The following UBE2G1 variants were observed in gnomAD, a reference collection of about 807,000 sequenced individuals.
UBE2G1 encodes the protein ubiquitin conjugating enzyme E2 G1.
Under a neutral mutation model 22.7 loss-of-function variants are expected in UBE2G1, and 5 were observed. The ratio of observed to expected loss-of-function variants is 0.22; its 90% CI spans 0.12 to 0.46. The LOEUF (loss-of-function observed/expected upper bound fraction) is 0.46, where lower values mean the gene tolerates loss of function less well. UBE2G1 is among the 20% of genes least tolerant of loss of function. The pLI is 0.99. For synonymous variants in UBE2G1, 74 were observed against 67.5 expected (o/e 1.10, Z -0.47); for missense variants, 88 against 203.9 (o/e 0.43, Z 3.46).
At chr17:4,350,186 C>T (rs927715678) in intron 1 of UBE2G1, among the ~76,000 whole-genome samples, 1 of 152,158 alleles carries the variant, frequency 6.6e-6, no homozygotes, top group African/African-American at 2.4e-5. Flanking sequence ...GTTGGCCAGG[C>T]GTGGTAACTC....
At chr17:4,315,386 T>C (rs1193368284) in intron 1 of UBE2G1, among the ~76,000 whole-genome samples, 1 of 152,180 alleles carries the variant, frequency 6.6e-6, no homozygotes, top group African/African-American at 2.4e-5. Context: ...AAAATACAAA[T>C]TCTCAGAATA....
chr17:4,309,537 G>A (rs1969284190), intron 1 of UBE2G1, among the ~76,000 whole-genome samples: 1 of 152,140 alleles, frequency 6.6e-6, no homozygotes, highest in Admixed American at 6.5e-5. Flanking sequence ...TGTACTGAGC[G>A]CCAACTATGT....
chr17:4,315,797 CTCCTTT>C (rs1244294242), intron 1 of UBE2G1, among the ~76,000 whole-genome samples: 6 of 69,520 alleles, frequency 8.6e-5, no homozygotes, highest in Non-Finnish European at 1.9e-4. Context: ...AGAAAAGAGG[CTCCTTT>C]TTTTTTTTTT....
intron 4 of UBE2G1, among the ~76,000 whole-genome samples, chr17:4,285,886 G>A (rs1968957291): frequency 6.6e-6 from 1 of 151,868 alleles, no homozygotes; most frequent in Non-Finnish European, 1.5e-5. Flanking sequence ...GGGAGGTGGA[G>A]GTTGCAGTGA....
intron 1 of UBE2G1, among the ~76,000 whole-genome samples, chr17:4,335,586 T>C (rs992241115): frequency 5.9e-5 from 9 of 152,238 alleles, no homozygotes; most frequent in African/African-American, 1.4e-4. Flanking sequence ...TATAGCTTTA[T>C]AATACCCATA....
Position 4,336,538 on chromosome 17 carries a change from CT to C in UBE2G1, c.47-29416del, listed in dbSNP as rs1016458133. On this transcript the variant is annotated intron_variant, in intron 1 of 5. Transcript: ENST00000396981. Reference sequence around the variant, plus strand: ...TCATAATATATAGTTACAACAAAAACTTTTTTTTTTGAGACAGGGTCTTGCT... The same window carrying C: ...TCATAATATATAGTTACAACAAAAACTTTTTTTTTGAGACAGGGTCTTGCT... 2.1e-4 allele frequency among the ~76,000 whole-genome samples: 32 copies of C among 149,256 alleles called. No individual in the cohort carries two copies. In the East Asian group the frequency reaches 5.3e-3, roughly 25 times the overall value.
At chr17:4,344,675 C>G (rs568072990) in intron 1 of UBE2G1, among the ~76,000 whole-genome samples, 2 of 151,666 alleles carry the variant, frequency 1.3e-5, no homozygotes, top group African/African-American at 4.9e-5. Context: ...AATGAGAAAC[C>G]CCCATCTCTA....
chr17:4,326,073 C>A (rs1969501608), intron 1 of UBE2G1, among the ~76,000 whole-genome samples: 1 of 152,130 alleles, frequency 6.6e-6, no homozygotes, highest in African/African-American at 2.4e-5. Context: ...AACTCTTGGA[C>A]ATGACACCAA....
intron 1 of UBE2G1, among the ~76,000 whole-genome samples, chr17:4,363,060 G>A (rs183991313): frequency 6.6e-6 from 1 of 152,252 alleles, no homozygotes; most frequent in East Asian, 1.9e-4. Flanking sequence ...GGCAGAAGTT[G>A]TCGTCAGCCA....
chr17:4,339,851 A>G (rs1250449042), intron 1 of UBE2G1, among the ~76,000 whole-genome samples: 1 of 144,624 alleles, frequency 6.9e-6, no homozygotes, highest in African/African-American at 2.6e-5. Context: ...CTGCATCTCA[A>G]AAAAAAAAAA....
chr17:4,314,925 AAG>A (rs755240104), intron 1 of UBE2G1, among the ~76,000 whole-genome samples: 11 of 152,204 alleles, frequency 7.2e-5, no homozygotes, highest in Admixed American at 1.3e-4. Flanking sequence ...AGGAGCACAA[AAG>A]AGAGAAATGA....
chr17:4,325,842 A>G (rs1208374748), intron 1 of UBE2G1, among the ~76,000 whole-genome samples: 1 of 152,200 alleles, frequency 6.6e-6, no homozygotes, highest in Non-Finnish European at 1.5e-5. Context: ...GATTTTCAAC[A>G]AGGTTGACTA....
intron 1 of UBE2G1, among the ~76,000 whole-genome samples, chr17:4,343,661 T>C (rs1156882526): frequency 2.0e-5 from 3 of 150,518 alleles, no homozygotes; most frequent in Non-Finnish European, 4.4e-5. Flanking sequence ...CAATCTCGGC[T>C]CACTGCAAGC....
chr17:4,358,501 C>CA (rs1969932190), intron 1 of UBE2G1, among the ~76,000 whole-genome samples: 1 of 151,948 alleles, frequency 6.6e-6, no homozygotes, highest in Non-Finnish European at 1.5e-5. Flanking sequence ...ATTCTAGATA[C>CA]AATCAGTTGC....
intron 1 of UBE2G1, among the ~76,000 whole-genome samples, chr17:4,313,594 C>T (rs913242588): frequency 9.2e-5 from 14 of 152,060 alleles, no homozygotes; most frequent in African/African-American, 3.1e-4. Context: ...GCAAAACTAA[C>T]CAACAGTATT....
chr17:4,342,920 G>A (rs563108225), intron 1 of UBE2G1, among the ~76,000 whole-genome samples: 203 of 152,104 alleles, frequency 1.3e-3, no homozygotes, highest in African/African-American at 4.5e-3. Context: ...CCACTGCAGC[G>A]CCCCTGTACT....
At chr17:4,315,597 G>A (rs954422620) in intron 1 of UBE2G1, among the ~76,000 whole-genome samples, 2 of 151,256 alleles carry the variant, frequency 1.3e-5, no homozygotes, top group Admixed American at 6.6e-5. Context: ...AAAAATAGCC[G>A]GGCGTGGTGG....
At chr17:4,281,483 G>A (rs1158688189) in intron 5 of UBE2G1, among the ~76,000 whole-genome samples, 1 of 151,972 alleles carries the variant, frequency 6.6e-6, no homozygotes, top group Admixed American at 6.6e-5. Flanking sequence ...GTAGACTCAA[G>A]ATGTGCCATG....
In UBE2G1 at chr17:4,311,975, G is replaced by A. The variant is rs1050633609; in HGVS notation, c.47-4852C>T. On this transcript the variant is annotated intron_variant, in intron 1 of 5. Coordinates refer to ENST00000396981, the MANE Select transcript of UBE2G1 (RefSeq NM_003342.5). ...CTTTAAAAAGAAATCTACTGGGCAC[G>A]GTGGCTCCCGCCTGTAATCCCGACA... is the stretch of plus-strand genomic sequence containing the variant. Among the ~76,000 whole-genome samples the A allele has an allele frequency of 4.6e-5, 7 of 152,116 alleles. No individual in the cohort carries two copies. In the South Asian group the frequency reaches 6.2e-4, roughly 14 times the overall value.
Sources: allele counts gnomAD v4.1 joint callset (sites outside exome capture counted in the v4.1 genomes callset), GRCh38; gene constraint gnomAD v4.1.1; transcripts MANE v1.5; gene names NCBI Gene and HGNC (gene_info 2026-07-23, HGNC 2026-07-21).